CNTNAP2: variants seen among roughly 807,000 people sequenced by gnomAD.
CNTNAP2 encodes contactin associated protein 2, also known as contactin-associated protein-like 2.
CNTNAP2 carries 98 observed loss-of-function variants against 155.2 expected under a neutral mutation model. The observed-to-expected ratio is 0.63, with a 90% CI of 0.54 to 0.75. CNTNAP2 has a LOEUF of 0.75. Ranked by LOEUF, CNTNAP2 falls within the 30% of genes least tolerant of loss-of-function variation. The pLI is 0.00. For missense variants in CNTNAP2, 1,727 were observed against 1,688.1 expected (o/e 1.02, Z -0.40); for synonymous variants, 651 against 631.2 (o/e 1.03, Z -0.47).
chr7:147,808,855 A>G (rs748534301), intron 13 of CNTNAP2, among the ~76,000 whole-genome samples: 1 of 152,218 alleles, frequency 6.6e-6, no homozygotes, highest in Non-Finnish European at 1.5e-5. Flanking sequence ...TATGGTTAGG[A>G]ATACACATGC....
At chr7:146,179,885 G>A (rs1356331913) in intron 1 of CNTNAP2, among the ~76,000 whole-genome samples, 3 of 152,124 alleles carry the variant, frequency 2.0e-5, no homozygotes, top group Admixed American at 6.5e-5. Flanking sequence ...TTATGGCAAC[G>A]GCTTGTTGGA....
chr7:148,023,620 C>T (rs1165724858), intron 15 of CNTNAP2, among the ~76,000 whole-genome samples: 4 of 152,056 alleles, frequency 2.6e-5, no homozygotes, highest in Non-Finnish European at 5.9e-5. Flanking sequence ...GCACACACAG[C>T]TGCACCAGCT....
chr7:146,551,337 G>A (rs802021), intron 1 of CNTNAP2, among the ~76,000 whole-genome samples: 4,582 of 151,764 alleles, frequency 0.03, 253 homozygotes, highest in African/African-American at 0.1. Context: ...CCCTTCCTGT[G>A]TCCATGTGTT....
intron 1 of CNTNAP2, among the ~76,000 whole-genome samples, chr7:146,338,787 T>C (rs866324933): frequency 2.0e-5 from 3 of 152,204 alleles, no homozygotes; most frequent in African/African-American, 7.2e-5. Flanking sequence ...CAGAATTAAG[T>C]TGCTATCAGT....
chr7:148,210,376 C>T (rs1490775016), intron 18 of CNTNAP2, among the ~76,000 whole-genome samples: 2 of 152,304 alleles, frequency 1.3e-5, no homozygotes, highest in Non-Finnish European at 1.5e-5. Context: ...AACAGGAATA[C>T]GTATTAACAC....
intron 9 of CNTNAP2, among the ~76,000 whole-genome samples, chr7:147,306,871 CT>C (rs1236356737): frequency 6.6e-6 from 1 of 152,090 alleles, no homozygotes; most frequent in African/African-American, 2.4e-5. Flanking sequence ...TCATTAAAGA[CT>C]TTACTTGTAG....
intron 1 of CNTNAP2, among the ~76,000 whole-genome samples, chr7:146,633,822 T>C (rs1799549303): frequency 1.2e-5 from 1 of 82,896 alleles, no homozygotes; most frequent in Non-Finnish European, 2.1e-5. Flanking sequence ...AGAGCGAGAC[T>C]GCATCTAGAG....
intron 10 of CNTNAP2, among the ~76,000 whole-genome samples, chr7:147,467,218 T>A (rs10260316): frequency 0.78 from 118,636 of 152,100 alleles, 46,628 homozygotes; most frequent in African/African-American, 0.87. Flanking sequence ...AAAAGAGACA[T>A]CCCACTTCAA....
chr7:148,202,824 C>G (rs1411518809), intron 18 of CNTNAP2, among the ~76,000 whole-genome samples: 1 of 152,210 alleles, frequency 6.6e-6, no homozygotes, highest in African/African-American at 2.4e-5. Flanking sequence ...GCTGGGGATA[C>G]AGTCCAATCA....
intron 1 of CNTNAP2, among the ~76,000 whole-genome samples, chr7:146,265,353 G>A (rs1799978244): frequency 6.6e-6 from 1 of 151,898 alleles, no homozygotes; most frequent in South Asian, 2.1e-4. Flanking sequence ...CAAGATAATT[G>A]AATCCACAAT....
chr7:146,167,222 T>C (rs1312095370), intron 1 of CNTNAP2, among the ~76,000 whole-genome samples: 1 of 152,248 alleles, frequency 6.6e-6, no homozygotes, highest in Admixed American at 6.5e-5. Flanking sequence ...ATAGCTCTAG[T>C]ATGAATTACT....
intron 13 of CNTNAP2, among the ~76,000 whole-genome samples, chr7:147,755,177 G>A (rs921471032): frequency 6.6e-6 from 1 of 152,172 alleles, no homozygotes; most frequent in Admixed American, 6.5e-5. Flanking sequence ...AAGTGTATGA[G>A]TGATAAGAAG....
chr7:146,929,342 C>A (rs1236909114), intron 3 of CNTNAP2, among the ~76,000 whole-genome samples: 2 of 152,176 alleles, frequency 1.3e-5, no homozygotes, highest in Non-Finnish European at 2.9e-5. Context: ...CTGGAGTGGA[C>A]CTCTAGCAAA....
intron 1 of CNTNAP2, among the ~76,000 whole-genome samples, chr7:146,483,549 G>A (rs1168194319): frequency 2.0e-5 from 3 of 149,562 alleles, no homozygotes; most frequent in South Asian, 2.1e-4. Flanking sequence ...CCTAGTAATC[G>A]GGAGTTTTGG....
intron 3 of CNTNAP2, among the ~76,000 whole-genome samples, chr7:146,874,583 C>T (rs2129207913): frequency 6.6e-6 from 1 of 152,210 alleles, no homozygotes; most frequent in East Asian, 1.9e-4. Context: ...AGGTGATCCG[C>T]CCACCGTGGC....
chr7:147,160,237 C>T (rs1248838473), intron 8 of CNTNAP2, among the ~76,000 whole-genome samples: 1 of 151,962 alleles, frequency 6.6e-6, no homozygotes, highest in African/African-American at 2.4e-5. Context: ...TATACAGAAC[C>T]ATACGTGATG....
At chr7:147,697,580 G>A (rs1382197713) in intron 13 of CNTNAP2, among the ~76,000 whole-genome samples, 1 of 152,066 alleles carries the variant, frequency 6.6e-6, no homozygotes, top group Non-Finnish European at 1.5e-5. Context: ...GTGGGGGAGC[G>A]GGGAAGCATT....
In CNTNAP2 at chr7:147,120,974, C is replaced by A. The variant is rs369675346; in HGVS notation, c.755-5C>A. Reference sequence around the variant, plus strand: ...ATTGTTTCTTTTTCACTTCTGTGTACGCAGGAAGCAACCAGCTTGGCCCCA... The same window carrying A: ...ATTGTTTCTTTTTCACTTCTGTGTAAGCAGGAAGCAACCAGCTTGGCCCCA... On this transcript the variant is annotated splice_polypyrimidine_tract_variant and splice_region_variant and intron_variant, in intron 5 of 23. Transcript: ENST00000361727. 2.5e-6 allele frequency: 4 copies of A among 1,613,028 alleles called. No individual in the cohort carries two copies. The highest frequency in any genetic ancestry group is 1.8e-4 in the Middle Eastern group (1 of 5,534).
At chr7:148,297,265 TCTC>T (rs1269024147) in intron 21 of CNTNAP2, among the ~76,000 whole-genome samples, 1 of 151,618 alleles carries the variant, frequency 6.6e-6, no homozygotes, top group Non-Finnish European at 1.5e-5. Context: ...AGCATGAACT[TCTC>T]CTAGCACGGG....
Sources: gnomAD v4.1 joint callset for allele counts (sites outside exome capture counted in the v4.1 genomes callset) on GRCh38, gnomAD v4.1.1 for gene constraint, MANE v1.5 for transcripts, NCBI Gene and HGNC (gene_info 2026-07-23, HGNC 2026-07-21) for gene names.